LCLAT1: variants seen among roughly 807,000 people sequenced by gnomAD.
The protein encoded by LCLAT1 is 1-AGP acyltransferase 8.
A neutral mutation model predicts 30.7 loss-of-function variants in LCLAT1; 11 were observed. The observed-to-expected ratio is 0.36, with a 90% CI of 0.23 to 0.59. The LOEUF is 0.59. Ranked by LOEUF, LCLAT1 falls within the 20% of genes least tolerant of loss-of-function variation. The pLI, the probability that LCLAT1 is intolerant of heterozygous loss-of-function variation, is 0.77. For synonymous variants in LCLAT1, 155 were observed against 151.3 expected (o/e 1.02, Z -0.18); for missense variants, 402 against 458.6 (o/e 0.88, Z 1.13).
intron 4 of LCLAT1, 90 bp from the exon 5 acceptor site, chr2:30,567,970 T>G (rs1665569772): frequency 1.5e-6 from 1 of 670,140 alleles, no homozygotes. Flanking sequence ...TTAACAGCTA[T>G]TTTTTATCAA....
chr2:30,633,414 C>T (rs1668861330), intron 5 of LCLAT1, among the ~76,000 whole-genome samples: 1 of 152,164 alleles, frequency 6.6e-6, no homozygotes, highest in South Asian at 2.1e-4. Context: ...TGTCGCCGGG[C>T]ACAGTGGCTC....
intron 5 of LCLAT1, among the ~76,000 whole-genome samples, chr2:30,588,388 A>G (rs1159536618): frequency 6.6e-6 from 1 of 152,114 alleles, no homozygotes; most frequent in East Asian, 1.9e-4. Context: ...GCCCCCAAAC[A>G]TCCTTTTCAG....
At chr2:30,621,460 T>C (rs1668245714) in intron 5 of LCLAT1, among the ~76,000 whole-genome samples, 1 of 152,048 alleles carries the variant, frequency 6.6e-6, no homozygotes. Context: ...AACTCTCAGC[T>C]CCGACTTGGA....
chr2:30,638,982 A>G lies in LCLAT1; in HGVS notation c.629-1135A>G, dbSNP rs114458934. Among the ~76,000 whole-genome samples the G allele has an allele frequency of 9.2e-3, 1,394 of 152,302 alleles. 12 individuals carry two copies. Among genetic ancestry groups the G allele is most frequent in the Non-Finnish European group, 0.014 (942 of 68,036 alleles). Reference sequence around the variant, plus strand: ...ACCTCTTTTGCCCTTGGTCCTCTCCAAACCATTCTGGTCACTGCCCGCAGA... The same window carrying G: ...ACCTCTTTTGCCCTTGGTCCTCTCCGAACCATTCTGGTCACTGCCCGCAGA... On this transcript the variant is annotated intron_variant, in intron 5 of 5. Transcript: ENST00000379509.
chr2:30,580,469 AC>A, intron 5 of LCLAT1, among the ~76,000 whole-genome samples: 1 of 152,324 alleles, frequency 6.6e-6, no homozygotes. Flanking sequence ...TTTCACAGGA[AC>A]GAGGCAACAG....
At position 30,525,775 on chromosome 2, in the gene LCLAT1, A is replaced by T. The variant is rs781755807; in HGVS notation, c.165+20A>T. 6.2e-7 allele frequency: 1 copy of T among 1,612,670 alleles called. No individual in the cohort carries two copies. Among genetic ancestry groups the T allele is most frequent in the South Asian group, 1.1e-5 (1 of 90,998 alleles). ...CCTGTGGTAAGTTACACACCAGAGG[A>T]GACTGTCTGCTTGTACTAGAGTGCT... On this transcript the variant is annotated intron_variant, in intron 2 of 5. Transcript: ENST00000379509.
At chr2:30,522,569 A>G (rs1685528299) in intron 1 of LCLAT1, among the ~76,000 whole-genome samples, 2 of 152,230 alleles carry the variant, frequency 1.3e-5, no homozygotes, top group South Asian at 4.1e-4. Flanking sequence ...TTTCTGTCAT[A>G]TTCACTGTTG....
intron 1 of LCLAT1, among the ~76,000 whole-genome samples, chr2:30,513,154 C>A (rs1685019520): frequency 6.6e-6 from 1 of 151,932 alleles, no homozygotes; most frequent in African/African-American, 2.4e-5. Context: ...TTATATTTTA[C>A]TGATTACTAA....
intron 3 of LCLAT1, among the ~76,000 whole-genome samples, chr2:30,546,863 A>G (rs1664436154): frequency 2.0e-5 from 3 of 152,094 alleles, no homozygotes; most frequent in South Asian, 4.1e-4. Context: ...TTCTTTTTTT[A>G]ATTCAACACA....
In LCLAT1 at chr2:30,570,236, G is replaced by T. The variant is rs547194736; in HGVS notation, c.628+2060G>T. Among the ~76,000 whole-genome samples, 3 of 152,148 alleles carry T rather than the reference G, an allele frequency of 2.0e-5. No homozygotes were observed. The South Asian group carries it at 6.2e-4, about 32-fold the overall frequency. ...ATTTTTCCTGCCAGTTGTGACAGCT[G>T]GTCTCCCCAACATCCCTCCTGTATC... On this transcript the variant is annotated intron_variant, in intron 5 of 5. Coordinates refer to ENST00000379509, the MANE Select transcript of LCLAT1 (RefSeq NM_001002257.3).
intron 1 of LCLAT1, among the ~76,000 whole-genome samples, chr2:30,497,315 G>A (rs527920632): frequency 2.1e-4 from 32 of 152,226 alleles, no homozygotes; most frequent in Non-Finnish European, 3.7e-4. Flanking sequence ...TATTAATTAT[G>A]TGGAATTTTC....
chr2:30,588,190 A>C (rs540221110), intron 5 of LCLAT1, among the ~76,000 whole-genome samples: 7 of 152,316 alleles, frequency 4.6e-5, no homozygotes, highest in African/African-American at 1.7e-4. Flanking sequence ...GACGTTTTCA[A>C]CCCTCCAAGG....
intron 1 of LCLAT1, among the ~76,000 whole-genome samples, chr2:30,478,879 C>T (rs1683181830): frequency 6.6e-6 from 1 of 152,164 alleles, no homozygotes. Context: ...GATGGACTTG[C>T]TGACTTGTGT....
rs116006655 is a variant in LCLAT1, at chr2:30,555,040, C to G, written c.365-7106C>G. On this transcript the variant is annotated intron_variant, in intron 3 of 5. Coordinates refer to ENST00000379509, the MANE Select transcript of LCLAT1 (RefSeq NM_001002257.3). ...CAGAATTAATGAAAAAAGTTCCATACCTAGACTAACACTGATGAATTTCTA... is the reference window on the plus strand; with the variant it reads ...CAGAATTAATGAAAAAAGTTCCATAGCTAGACTAACACTGATGAATTTCTA... Among the ~76,000 whole-genome samples the G allele has an allele frequency of 9.5e-3, 1,439 of 152,106 alleles. 24 individuals carry two copies. Among genetic ancestry groups the G allele is most frequent in the African/African-American group, 0.033 (1,350 of 41,530 alleles).
intron 5 of LCLAT1, among the ~76,000 whole-genome samples, chr2:30,617,354 G>C (rs1668041129): frequency 6.6e-6 from 1 of 152,142 alleles, no homozygotes; most frequent in African/African-American, 2.4e-5. Context: ...ATTGCTGCAT[G>C]AATCTGTAGT....
At chr2:30,619,073 C>G (rs1668126526) in intron 5 of LCLAT1, among the ~76,000 whole-genome samples, 1 of 152,124 alleles carries the variant, frequency 6.6e-6, no homozygotes, top group Admixed American at 6.6e-5. Context: ...AATAGTACAC[C>G]TAATGACTTG....
chr2:30,521,522 T>G (rs1685475793), intron 1 of LCLAT1, among the ~76,000 whole-genome samples: 1 of 109,188 alleles, frequency 9.2e-6, no homozygotes, highest in Non-Finnish European at 1.8e-5. Flanking sequence ...TTTTTTTTTT[T>G]TTTTGAGAGG....
chr2:30,525,505 AT>A, intron 1 of LCLAT1, 81 bp from the exon 2 acceptor site: 2 of 1,074,550 alleles, frequency 1.9e-6, no homozygotes, highest in Non-Finnish European at 2.8e-6. Flanking sequence ...ATTAGTGATC[AT>A]TCTATGCTCC....
rs1185836533 is a variant in LCLAT1, at chr2:30,533,253, T to C, written c.303T>C (p.Tyr101=). ...WMFLWNCLMR[Y]SYLRLEKICL... ...TCCTGTGGAATTGCCTGATGCGATA[T>C]AGCTACCTCAGATTGGAGAAAATTT... Residue 101 remains tyrosine (Y), a synonymous_variant, in exon 3 of 6, where the codon TAT becomes TAC. Transcript: ENST00000379509. The C allele has an allele frequency of 1.2e-5, 20 of 1,614,024 alleles. No individual in the cohort carries two copies. Among genetic ancestry groups the C allele is most frequent in the African/African-American group, 1.1e-4 (8 of 74,942 alleles).
Sources: allele counts gnomAD v4.1 joint callset (sites outside exome capture counted in the v4.1 genomes callset), GRCh38; gene constraint gnomAD v4.1.1; transcripts MANE v1.5; gene names NCBI Gene and HGNC (gene_info 2026-07-23, HGNC 2026-07-21).